The following TOPBP1 variants were observed in gnomAD, a reference collection of about 807,000 sequenced individuals.
TOPBP1 encodes DNA topoisomerase II binding protein 1.
A neutral mutation model predicts 167.7 loss-of-function variants in TOPBP1; 28 were observed. That is an observed-to-expected ratio of 0.17 (90% CI 0.12 to 0.23). The LOEUF (loss-of-function observed/expected upper bound fraction) is 0.23. TOPBP1 is among the 10% of genes least tolerant of loss of function. The probability of loss-of-function intolerance (pLI) is 1.00; values close to 1 mark genes in which losing one functional copy is unlikely to be tolerated. For synonymous variants in TOPBP1, 598 were observed against 611.4 expected, an observed-to-expected ratio of 0.98 and a Z score of 0.32; for missense variants, 1,554 against 1,809.6, an observed-to-expected ratio of 0.86 and a Z score of 2.56.
chr3:133,618,101 T>G, intron 21 of TOPBP1, 112 bp downstream of exon 21: 1 of 864,988 alleles, frequency 1.2e-6, no homozygotes, highest in Non-Finnish European at 1.7e-6. Context: ...ATCTACGAAG[T>G]TTTTTTTGTT....
intron 8 of TOPBP1, among the ~76,000 whole-genome samples, chr3:133,650,754 A>G (rs1936264997): frequency 6.6e-6 from 1 of 152,194 alleles, no homozygotes; most frequent in African/African-American, 2.4e-5. Context: ...TATACTTTCT[A>G]TATGTAAGAA....
In TOPBP1 at chr3:133,659,018, T is replaced by G; in HGVS notation, c.217A>C (p.Lys73Gln). 6.3e-7 allele frequency: 1 copy of G among 1,597,308 alleles called. No homozygotes were observed. Among genetic ancestry groups the G allele is most frequent in the Middle Eastern group, 1.7e-4 (1 of 6,024 alleles). Reference protein sequence around the residue: ...FSGVVFDHLKKLGCRIVGPQV... With the variant: ...FSGVVFDHLKQLGCRIVGPQV... ...GTACACACTAGAAGTCAGCAAACCTTTTTGAGGTGATCAAAGACAACGCCA... is the reference window on the plus strand; with the variant it reads ...GTACACACTAGAAGTCAGCAAACCTGTTTGAGGTGATCAAAGACAACGCCA... Residue 73 changes from lysine to glutamine, a missense_variant and splice_region_variant, in exon 3 of 28, where the codon AAG (lysine) becomes CAG (glutamine). This residue lies in a region of TOPBP1 where 1,197 missense variants were observed against 1,351.5 expected (regional missense o/e 0.89). Transcript: ENST00000260810.
intron 8 of TOPBP1, among the ~76,000 whole-genome samples, chr3:133,651,298 T>C (rs984910176): frequency 6.8e-6 from 1 of 147,792 alleles, no homozygotes; most frequent in Non-Finnish European, 1.5e-5. Flanking sequence ...GTGATTCTCC[T>C]ACCTCAGCCT....
At chr3:133,601,921 A>G (rs1377621209) in intron 27 of TOPBP1, among the ~76,000 whole-genome samples, 2 of 152,234 alleles carry the variant, frequency 1.3e-5, no homozygotes, top group Admixed American at 6.5e-5. Flanking sequence ...TTTTGATTCA[A>G]TTCTTCCATG....
intron 24 of TOPBP1, 85 bp downstream of exon 24, chr3:133,612,304 T>G (rs1576679852): frequency 2.0e-6 from 3 of 1,525,998 alleles, no homozygotes; most frequent in East Asian, 4.6e-5. Flanking sequence ...CCTCCCAAAG[T>G]GCTAGGATAA....
Position 133,601,247 on chromosome 3 carries a change from C to A in TOPBP1, c.*3G>T. On this transcript the variant is annotated 3_prime_UTR_variant, in exon 28 of 28. Coordinates refer to ENST00000260810, the MANE Select transcript of TOPBP1 (RefSeq NM_007027.4). ...ATGTTTGGTAACTAAAGGGTAGATG[C>A]GATTAGTGTACTCTAGGTCGTTTGA... 1 of 1,591,708 alleles carries A rather than the reference C, an allele frequency of 6.3e-7. No homozygotes were observed. The highest frequency in any genetic ancestry group is 1.2e-5 in the South Asian group (1 of 85,550).
At chr3:133,649,655 A>G in intron 9 of TOPBP1, 22 bp from the exon 10 acceptor site, 1 of 1,611,480 alleles carries the variant, frequency 6.2e-7, no homozygotes, top group South Asian at 1.1e-5. Context: ...GCACATAGTT[A>G]TGTATTAGTG....
At chr3:133,649,339 A>T in intron 10 of TOPBP1, 44 bp downstream of exon 10, 1 of 1,584,124 alleles carries the variant, frequency 6.3e-7, no homozygotes, top group Non-Finnish European at 8.6e-7. Context: ...TAGGCTACTA[A>T]AATATTTCTT....
intron 20 of TOPBP1, 124 bp downstream of exon 20, chr3:133,620,031 T>C: frequency 8.0e-6 from 8 of 993,928 alleles, no homozygotes; most frequent in Non-Finnish European, 1.2e-5. Context: ...TTTTACTGCA[T>C]ATTGGGGAAA....
rs1212374785 is a variant in TOPBP1 at position 133,603,707 on chromosome 3, A to ATGTATGT, written c.4426-2315_4426-2314insACATACA. Among the ~76,000 whole-genome samples, 61 of 149,166 alleles carry ATGTATGT rather than the reference A, an allele frequency of 4.1e-4. 1 individual carries two copies. The highest frequency in any genetic ancestry group is 3.6e-3 in the Middle Eastern group (1 of 278). On this transcript the variant is annotated intron_variant, in intron 27 of 27. Coordinates refer to ENST00000260810, the MANE Select transcript of TOPBP1 (RefSeq NM_007027.4). ...GAAATAAATGGGGTAAAAGCTGACA[A>ATGTATGT]AATTAAAGAGAAAAAACAGACAATT...
At chr3:133,601,716 A>T (rs1170271464) in intron 27 of TOPBP1, among the ~76,000 whole-genome samples, 1 of 152,212 alleles carries the variant, frequency 6.6e-6, no homozygotes, top group Non-Finnish European at 1.5e-5. Context: ...AATGTCACAT[A>T]ACTAGCAGGT....
chr3:133,617,237 G>A lies in TOPBP1; in HGVS notation c.3682C>T (p.Leu1228=). ...CTGGGGGCTTGAGGCGTAGGGATCA[G>A]GTGGCTGTCTTTTATGGGAGTTTCC... ...ELETPIKDSH[L]IPTPQAPSIA... The change falls in exon 22 of 28, where the codon CTG becomes TTG. Residue 1228 remains leucine, a synonymous_variant. Transcript: ENST00000260810. The A allele has an allele frequency of 6.2e-7, 1 of 1,613,908 alleles. No individual in the cohort carries two copies. The highest frequency in any genetic ancestry group is 1.3e-5 in the African/African-American group (1 of 75,050).
In TOPBP1 at chr3:133,608,577, C is replaced by G. The variant is rs371493202; in HGVS notation, c.4383G>C (p.Val1461=). The G allele has an allele frequency of 6.2e-7, 1 of 1,613,816 alleles. No homozygotes were observed. Among genetic ancestry groups the G allele is most frequent in the East Asian group, 2.2e-5 (1 of 44,876 alleles). Residue 1461 remains valine (V), a synonymous_variant, in exon 27 of 28, where the codon GTG becomes GTC. Transcript: ENST00000260810. ...VNIAEAAAQN[V]YCLRTEYIAD... ...CAATGTATTCTGTTCTCAAGCAGTA[C>G]ACGTTCTGGGCAGCAGCTTCTGCTA...
Position 133,645,399 on chromosome 3 carries a change from T to C in TOPBP1, c.1505-1036A>G, listed in dbSNP as rs960225371. Among the ~76,000 whole-genome samples, 8 of 152,222 alleles carry C rather than the reference T, an allele frequency of 5.3e-5. No homozygotes were observed. In the East Asian group the frequency reaches 1.3e-3, roughly 26 times the overall value. ...ATATAAGGAATAAAGGGTAATAGTA[T>C]ACTTATAATTTACAGATATACTCAT... On this transcript the variant is annotated intron_variant, in intron 10 of 27. Coordinates refer to ENST00000260810, the MANE Select transcript of TOPBP1 (RefSeq NM_007027.4).
intron 27 of TOPBP1, among the ~76,000 whole-genome samples, chr3:133,607,801 A>G (rs1445219707): frequency 6.6e-6 from 1 of 152,210 alleles, no homozygotes; most frequent in Non-Finnish European, 1.5e-5. Context: ...CCTTAGATAA[A>G]ATCGTGGATA....
intron 14 of TOPBP1, among the ~76,000 whole-genome samples, chr3:133,630,175 T>A (rs1935422191): frequency 6.6e-6 from 1 of 152,208 alleles, no homozygotes; most frequent in South Asian, 2.1e-4. Flanking sequence ...TTTTTTTTAA[T>A]ATATTCGCTT....
chr3:133,643,198 A>G lies in TOPBP1; in HGVS notation c.2021+2T>C. 6.3e-7 allele frequency: 1 copy of G among 1,581,256 alleles called. No individual in the cohort carries two copies. Among genetic ancestry groups the G allele is most frequent in the Non-Finnish European group, 8.6e-7 (1 of 1,168,728 alleles). On this transcript the variant is annotated splice_donor_variant, in intron 12 of 27. Transcript: ENST00000260810. LOFTEE classifies it high-confidence loss of function. ...AACAGGTGCATTAAAAATATTACATACCTTGCTCCAAGGAGGTTTGCTAGG... is the reference window on the plus strand; with the variant it reads ...AACAGGTGCATTAAAAATATTACATGCCTTGCTCCAAGGAGGTTTGCTAGG...
chr3:133,611,536 G>T (rs1934676371), intron 24 of TOPBP1, among the ~76,000 whole-genome samples: 1 of 152,154 alleles, frequency 6.6e-6, no homozygotes, highest in Admixed American at 6.6e-5. Flanking sequence ...AAAGATGAAA[G>T]CTTACAATGA....
intron 1 of TOPBP1, 93 bp from the exon 2 acceptor site, chr3:133,661,227 T>A: frequency 1.1e-6 from 1 of 906,570 alleles, no homozygotes; most frequent in South Asian, 2.0e-5. Flanking sequence ...CAGACAAGAA[T>A]GCCTAAAGAC....
Sources: allele counts gnomAD v4.1 joint callset (sites outside exome capture counted in the v4.1 genomes callset), GRCh38; gene constraint gnomAD v4.1.1; regional missense constraint gnomAD v4.1.1; transcripts MANE v1.5; gene names NCBI Gene and HGNC (gene_info 2026-07-23, HGNC 2026-07-21).